Variants in COMMD10 observed in about 807,000 individuals in gnomAD.
The protein encoded by COMMD10 is COMM domain containing 10.
A neutral mutation model predicts 28.9 loss-of-function variants in COMMD10; 33 were observed. The observed-to-expected ratio is 1.14, with a 90% CI of 0.87 to 1.53. COMMD10 has a LOEUF of 1.53. Ranked by LOEUF, COMMD10 falls within the 40% of genes most tolerant of loss-of-function variation. COMMD10 has a pLI of 0.00. For missense variants in COMMD10, 310 were observed against 233.4 expected (o/e 1.33, Z -2.14); for synonymous variants, 110 against 81.7 (o/e 1.35, Z -1.87).
chr5:116,237,176 T>A (rs1241795269), intron 5 of COMMD10, among the ~76,000 whole-genome samples: 3 of 152,032 alleles, frequency 2.0e-5, no homozygotes, highest in African/African-American at 7.2e-5. Context: ...ATATGTTTGA[T>A]GAACAGCAAG....
intron 5 of COMMD10, among the ~76,000 whole-genome samples, chr5:116,244,660 C>CAAAAAAAAAAAAAAAAAAAAAAAAAAA (rs60360733): frequency 1.0e-4 from 8 of 79,466 alleles, no homozygotes; most frequent in Non-Finnish European, 1.8e-4. Context: ...AAAAAAATTA[C>CAAAAAAAAAAAAAAAAAAAAAAAAAAA]AAAAAAAAAA....
chr5:116,245,488 T>C (rs1749917654), intron 5 of COMMD10, among the ~76,000 whole-genome samples: 3 of 152,150 alleles, frequency 2.0e-5, no homozygotes, highest in African/African-American at 7.2e-5. Flanking sequence ...TAACTCATCC[T>C]GTGAGGCTAG....
intron 5 of COMMD10, among the ~76,000 whole-genome samples, chr5:116,180,808 C>G (rs1747931686): frequency 6.6e-6 from 1 of 151,998 alleles, no homozygotes; most frequent in African/African-American, 2.4e-5. Flanking sequence ...CATTTTAATT[C>G]TTATCATTTT....
chr5:116,253,197 C>A (rs1257646634), intron 5 of COMMD10, among the ~76,000 whole-genome samples: 60 of 108,586 alleles, frequency 5.5e-4, no homozygotes, highest in African/African-American at 1.3e-3. Flanking sequence ...AGATTTTGGG[C>A]TGAGACAATG....
At chr5:116,188,639 C>CTTTTTTTTT (rs572956691) in intron 5 of COMMD10, 6 of 133,812 alleles carry the variant, frequency 4.5e-5, no homozygotes, top group African/African-American at 1.2e-4. Flanking sequence ...CTCTCTCTCT[C>CTTTTTTTTT]TTTTTTTTTT....
intron 5 of COMMD10, among the ~76,000 whole-genome samples, chr5:116,282,822 G>A (rs1444334908): frequency 2.2e-4 from 34 of 151,834 alleles, no homozygotes. Flanking sequence ...TTACCTCCAA[G>A]CTCTGTCTCC....
chr5:116,262,043 A>C (rs1011920472), intron 5 of COMMD10, among the ~76,000 whole-genome samples: 1 of 151,676 alleles, frequency 6.6e-6, no homozygotes, highest in Non-Finnish European at 1.5e-5. Context: ...AAAGAAGGTA[A>C]GGCACAGAGA....
At chr5:116,153,135 A>G (rs528344939) in intron 5 of COMMD10, among the ~76,000 whole-genome samples, 3 of 152,150 alleles carry the variant, frequency 2.0e-5, no homozygotes, top group Non-Finnish European at 4.4e-5. Flanking sequence ...TTTTGGCTAT[A>G]TGTTTCCTAA....
chr5:116,261,344 A>C (rs991174540), intron 5 of COMMD10, among the ~76,000 whole-genome samples: 2 of 151,684 alleles, frequency 1.3e-5, no homozygotes, highest in Non-Finnish European at 2.9e-5. Context: ...AAGGTTTCCT[A>C]ATCTTGCCTA....
intron 5 of COMMD10, among the ~76,000 whole-genome samples, chr5:116,232,862 A>G (rs183859957): frequency 3.9e-5 from 6 of 152,312 alleles, no homozygotes; most frequent in Admixed American, 2.0e-4. Context: ...CAAGCAACCT[A>G]TGAGATACAG....
intron 5 of COMMD10, among the ~76,000 whole-genome samples, chr5:116,242,334 C>T (rs1023368333): frequency 5.9e-5 from 9 of 152,150 alleles, no homozygotes; most frequent in African/African-American, 2.2e-4. Flanking sequence ...TTAGTTTTGG[C>T]TCTGCCATTA....
chr5:116,088,203 G>A (rs1403116108), intron 2 of COMMD10, among the ~76,000 whole-genome samples: 3 of 152,176 alleles, frequency 2.0e-5, no homozygotes, highest in African/African-American at 7.2e-5. Context: ...GCAGTGCCAT[G>A]TATCACCATC....
At chr5:116,193,398 C>G (rs989055462) in intron 5 of COMMD10, among the ~76,000 whole-genome samples, 9 of 152,142 alleles carry the variant, frequency 5.9e-5, no homozygotes, top group Admixed American at 3.9e-4. Context: ...AATTTACCAA[C>G]AAACTATCTG....
At chr5:116,089,970 T>G (rs1750243411) in intron 2 of COMMD10, among the ~76,000 whole-genome samples, 1 of 152,210 alleles carries the variant, frequency 6.6e-6, no homozygotes, top group South Asian at 2.1e-4. Context: ...GCCTTTACCT[T>G]GAGACAGAAT....
chr5:116,227,442 A>G (rs1749420920), intron 5 of COMMD10, among the ~76,000 whole-genome samples: 1 of 151,904 alleles, frequency 6.6e-6, no homozygotes, highest in South Asian at 2.1e-4. Context: ...TTGAAATCCC[A>G]TTTTCTCTAC....
At chr5:116,116,845 A>G (rs116095372) in intron 4 of COMMD10, among the ~76,000 whole-genome samples, 1 of 152,098 alleles carries the variant, frequency 6.6e-6, no homozygotes, top group East Asian at 1.9e-4. Flanking sequence ...CAGCCTCCCA[A>G]AATGCAGAGA....
intron 5 of COMMD10, among the ~76,000 whole-genome samples, chr5:116,227,539 T>C (rs185957999): frequency 2.5e-3 from 388 of 152,216 alleles, no homozygotes; most frequent in Non-Finnish European, 4.4e-3. Context: ...CACATTTATG[T>C]TTTGTCTCCT....
chr5:116,267,856 C>T (rs1387110808), intron 5 of COMMD10, among the ~76,000 whole-genome samples: 1 of 151,834 alleles, frequency 6.6e-6, no homozygotes, highest in Non-Finnish European at 1.5e-5. Context: ...GGAAAGGATT[C>T]CCTATTTAAT....
chr5:116,188,875 C>T (rs1000342004), intron 5 of COMMD10, among the ~76,000 whole-genome samples: 2 of 152,148 alleles, frequency 1.3e-5, no homozygotes, highest in Admixed American at 6.5e-5. Context: ...AGCAGTTCAC[C>T]CACCTTGGCC....
Sources: allele counts gnomAD v4.1 joint callset (sites outside exome capture counted in the v4.1 genomes callset), GRCh38; gene constraint gnomAD v4.1.1; transcripts MANE v1.5; gene names NCBI Gene and HGNC (gene_info 2026-07-23, HGNC 2026-07-21).